GRIK1: variants seen among roughly 807,000 people sequenced by gnomAD.
GRIK1 encodes the protein glutamate ionotropic receptor kainate type subunit 1, also known as glutamate receptor ionotropic, kainate 1.
Under a neutral mutation model 105.7 loss-of-function variants are expected in GRIK1, and 69 were observed. The observed-to-expected ratio is 0.65, with a 90% CI of 0.54 to 0.80. The LOEUF is 0.80. Ranked by LOEUF, GRIK1 falls within the 30% of genes least tolerant of loss-of-function variation. The pLI is 0.00. For missense variants in GRIK1, 1,109 were observed against 1,167.3 expected (o/e 0.95, Z 0.73); for synonymous variants, 438 against 431.3 (o/e 1.02, Z -0.19).
intron 1 of GRIK1, among the ~76,000 whole-genome samples, chr21:29,777,798 A>G (rs1041933656): frequency 1.3e-5 from 2 of 152,192 alleles, no homozygotes; most frequent in Admixed American, 6.5e-5. Flanking sequence ...CTGGTGACAG[A>G]ACGAACAGAA....
chr21:29,761,053 C>T (rs1160312899), intron 1 of GRIK1, among the ~76,000 whole-genome samples: 1 of 152,092 alleles, frequency 6.6e-6, no homozygotes, highest in Non-Finnish European at 1.5e-5. Context: ...ATACCCTGTC[C>T]TCGGTAATCT....
At chr21:29,690,724 A>C (rs575951200) in intron 2 of GRIK1, among the ~76,000 whole-genome samples, 8 of 152,106 alleles carry the variant, frequency 5.3e-5, no homozygotes, top group African/African-American at 1.9e-4. Flanking sequence ...TCTACTGAAA[A>C]ATTTAGTTGT....
At chr21:29,845,137 A>G (rs575190110) in intron 1 of GRIK1, among the ~76,000 whole-genome samples, 2 of 152,292 alleles carry the variant, frequency 1.3e-5, no homozygotes, top group South Asian at 2.1e-4. Context: ...TCCAGAAACA[A>G]TGGGTGCCTA....
intron 12 of GRIK1, among the ~76,000 whole-genome samples, chr21:29,583,401 A>ATTGTTG (rs2091064284): frequency 6.6e-6 from 1 of 152,158 alleles, no homozygotes; most frequent in Non-Finnish European, 1.5e-5. Context: ...TAATTTAAAA[A>ATTGTTG]TATTAATTGA....
chr21:29,609,410 A>G (rs1328313010), intron 7 of GRIK1, among the ~76,000 whole-genome samples: 1 of 152,194 alleles, frequency 6.6e-6, no homozygotes, highest in African/African-American at 2.4e-5. Flanking sequence ...CTGTGTAAAT[A>G]AGGTCACACC....
chr21:29,934,046 G>T (rs1276408073), intron 1 of GRIK1, among the ~76,000 whole-genome samples: 1 of 152,068 alleles, frequency 6.6e-6, no homozygotes, highest in Non-Finnish European at 1.5e-5. Flanking sequence ...CAACGAAAGA[G>T]GATTGAGAGA....
intron 1 of GRIK1, among the ~76,000 whole-genome samples, chr21:29,848,779 A>ATATATATATATATTT: frequency 6.4e-5 from 5 of 77,864 alleles, no homozygotes; most frequent in Admixed American, 1.7e-4. Flanking sequence ...ATATATATAT[A>ATATATATATATATTT]TTTTTTTTTT....
intron 1 of GRIK1, among the ~76,000 whole-genome samples, chr21:29,804,683 T>A (rs556201454): frequency 6.6e-6 from 1 of 152,306 alleles, no homozygotes; most frequent in South Asian, 2.1e-4. Flanking sequence ...TTGCTACTTT[T>A]AAAAAGTTAT....
At chr21:29,821,038 C>G (rs1171337694) in intron 1 of GRIK1, among the ~76,000 whole-genome samples, 1 of 147,828 alleles carries the variant, frequency 6.8e-6, no homozygotes, top group Non-Finnish European at 1.5e-5. Context: ...TTAGGAGCAC[C>G]AACCCTCCCA....
intron 1 of GRIK1, among the ~76,000 whole-genome samples, chr21:29,809,068 T>C (rs1031697098): frequency 6.6e-6 from 1 of 152,182 alleles, no homozygotes; most frequent in African/African-American, 2.4e-5. Flanking sequence ...TGTTTTTCCT[T>C]TAAGTATTTC....
chr21:29,581,557 C>A lies in GRIK1; in HGVS notation c.1794-14G>T. 1.4e-6 allele frequency: 2 copies of A among 1,421,974 alleles called. No homozygotes were observed. Among genetic ancestry groups the A allele is most frequent in the South Asian group, 1.2e-5 (1 of 86,820 alleles). The allele number at this position is 1,421,974 out of a possible 1,614,324, so 88.1% of individuals were successfully genotyped here. ...TAGGGTGTAAACCTGTGGTAGTTAA[C>A]AGAAACAGTCTGTAAATATCAGAGA... On this transcript the variant is annotated splice_polypyrimidine_tract_variant and intron_variant, in intron 12 of 17. Transcript: ENST00000327783.
At chr21:29,676,847 G>A (rs1336802806) in intron 3 of GRIK1, among the ~76,000 whole-genome samples, 1 of 152,142 alleles carries the variant, frequency 6.6e-6, no homozygotes, top group Non-Finnish European at 1.5e-5. Flanking sequence ...GGAGATGAAA[G>A]GGATTTGACA....
intron 1 of GRIK1, among the ~76,000 whole-genome samples, chr21:29,743,130 C>T (rs889513925): frequency 6.6e-6 from 1 of 151,844 alleles, no homozygotes; most frequent in Non-Finnish European, 1.5e-5. Flanking sequence ...ATTTCTGTAC[C>T]TAACTCCCAA....
intron 1 of GRIK1, among the ~76,000 whole-genome samples, chr21:29,858,768 C>T (rs2068543130): frequency 6.6e-6 from 1 of 151,786 alleles, no homozygotes; most frequent in Non-Finnish European, 1.5e-5. Context: ...ATCTCATTCT[C>T]CTTGAAGAAG....
chr21:29,914,152 G>A (rs187912479), intron 1 of GRIK1, among the ~76,000 whole-genome samples: 1 of 152,070 alleles, frequency 6.6e-6, no homozygotes, highest in East Asian at 1.9e-4. Context: ...AATGGCAATA[G>A]CACCCATCCC....
chr21:29,591,266 T>A (rs753754525), intron 9 of GRIK1, 41 bp from the exon 10 acceptor site: 2 of 1,194,444 alleles, frequency 1.7e-6, no homozygotes, highest in Non-Finnish European at 2.5e-6. Context: ...TGGCTGTCAG[T>A]GTGGCATTTA....
At chr21:29,868,675 G>T (rs771802306) in intron 1 of GRIK1, among the ~76,000 whole-genome samples, 1 of 151,866 alleles carries the variant, frequency 6.6e-6, no homozygotes, top group Middle Eastern at 3.4e-3. Context: ...CCTCATCTTC[G>T]CCTGTCTTTC....
intron 3 of GRIK1, among the ~76,000 whole-genome samples, chr21:29,677,011 A>G (rs932968835): frequency 6.6e-6 from 1 of 152,228 alleles, no homozygotes. Context: ...TGTGGTTATA[A>G]CGAGAAAGGT....
intron 1 of GRIK1, among the ~76,000 whole-genome samples, chr21:29,789,628 T>C (rs2066357751): frequency 6.6e-6 from 1 of 152,230 alleles, no homozygotes; most frequent in Non-Finnish European, 1.5e-5. Context: ...ATTGCAATAG[T>C]ACCCCTTCCC....
Sources: gnomAD v4.1 joint callset for allele counts (sites outside exome capture counted in the v4.1 genomes callset) on GRCh38, gnomAD v4.1.1 for gene constraint, MANE v1.5 for transcripts, NCBI Gene and HGNC (gene_info 2026-07-23, HGNC 2026-07-21) for gene names.